Variants in SCML1 observed in about 807,000 individuals in gnomAD.
SCML1 encodes sex comb on midleg-like protein 1.
For synonymous variants in SCML1, 104 were observed against 103.6 expected, an observed-to-expected ratio of 1.00 and a Z score of -0.02; for missense variants, 137 against 258.1, an observed-to-expected ratio of 0.53 and a Z score of 3.22.
chrX:17,738,901 C>T (rs1207013024), intron 1 of SCML1, among the ~76,000 whole-genome samples: 6 of 111,891 alleles, frequency 5.4e-5, no homozygotes, highest in African/African-American at 1.6e-4. Flanking sequence ...ACAATCTAGC[C>T]TTGGGCTCTG....
In SCML1 at chrX:17,749,457, G is replaced by T. The variant is rs1357029716; in HGVS notation, c.256G>T (p.Val86Phe). The T allele has an allele frequency of 8.3e-7, 1 of 1,199,551 alleles. No homozygotes were observed. The highest frequency in any genetic ancestry group is 1.1e-6 in the Non-Finnish European group (1 of 887,867). ...GAAGATTGATGTGATTCGTAGAAAG[G>T]TTTCAAAAATCCAACGTTTCCATGC... Reference protein sequence around the residue: ...DKKIDVIRRKVSKIQRFHARS... With the variant: ...DKKIDVIRRKFSKIQRFHARS... Residue 86 changes from valine to phenylalanine, a missense_variant, in exon 5 of 8, where the codon GTT becomes TTT. Physicochemically the swap from Val to Phe is conservative, Grantham distance 50 (BLOSUM62 -1). Transcript: ENST00000380041.
intron 1 of SCML1, among the ~76,000 whole-genome samples, chrX:17,740,657 T>C (rs1753901898): frequency 8.9e-6 from 1 of 112,305 alleles, no homozygotes; most frequent in Non-Finnish European, 1.9e-5. Context: ...TGTGTGACAG[T>C]TGCCGTAGAA....
chrX:17,738,307 A>G (rs1318709806), intron 1 of SCML1, among the ~76,000 whole-genome samples: 1 of 112,424 alleles, frequency 8.9e-6, no homozygotes, highest in Non-Finnish European at 1.9e-5. Flanking sequence ...GGTCGTTAAC[A>G]GGAAAGGCCC....
Position 17,737,495 on chromosome X carries a change from T to C in SCML1, c.-302T>C, listed in dbSNP as rs923627064. ...GCGTCGCGGGAGCTCTCTGATCCAC[T>C]CAGGGGTCAGGGCATCACTGGTCTC... On this transcript the variant is annotated 5_prime_UTR_variant, in exon 1 of 8. Coordinates refer to ENST00000380041, the MANE Select transcript of SCML1 (RefSeq NM_001037540.3). 2 of 87,304 alleles carry C rather than the reference T, an allele frequency of 2.3e-5. No homozygotes were observed. The highest frequency in any genetic ancestry group is 3.2e-4 in the Admixed American group (2 of 6,247). 7.2% of individuals were successfully genotyped at this position (87,304 alleles called of 1,213,427 possible).
At chrX:17,749,000 A>G (rs1233369928) in intron 4 of SCML1, among the ~76,000 whole-genome samples, 1 of 112,703 alleles carries the variant, frequency 8.9e-6, no homozygotes, top group Non-Finnish European at 1.9e-5. Flanking sequence ...ATTTGTACAT[A>G]TATGAACATA....
At chrX:17,749,872 T>C (rs1174299376) in intron 5 of SCML1, 22 bp from the exon 6 acceptor site, 6 of 1,183,089 alleles carry the variant, frequency 5.1e-6, no homozygotes, top group East Asian at 6.0e-5. Context: ...TGTTGGTTTA[T>C]GCTGTGTTTG....
chrX:17,737,536 G>C lies in SCML1; in HGVS notation c.-261G>C, dbSNP rs1213597721. 1 of 105,916 alleles carries C rather than the reference G, an allele frequency of 9.4e-6. No individual in the cohort carries two copies. Among genetic ancestry groups the C allele is most frequent in the African/African-American group, 3.4e-5 (1 of 29,064 alleles). The allele number at this position is 105,916 out of a possible 1,213,427, so 8.7% of individuals were successfully genotyped here. A position where few individuals can be genotyped will look rare whatever the true frequency, so the allele number is the denominator to read the frequency against. The stretch of plus-strand genomic sequence containing the variant: ...CACTGGTCTCGCGTGCGCGTGACCA[G>C]GCCCGGTTTCCGGTGCCAGGACCTT... On this transcript the variant is annotated 5_prime_UTR_variant, in exon 1 of 8. Transcript: ENST00000380041.
At position 17,743,178 on chromosome X, in the gene SCML1, C is replaced by T. The variant is rs528811634; in HGVS notation, c.-116-893C>T. On this transcript the variant is annotated intron_variant, in intron 1 of 7. Coordinates refer to ENST00000380041, the MANE Select transcript of SCML1 (RefSeq NM_001037540.3). ...GATACTTCTATGCAACATTAGTCTGCGTTTATCTAACTCGAGTTAGTTCTC... is the reference window on the plus strand; with the variant it reads ...GATACTTCTATGCAACATTAGTCTGTGTTTATCTAACTCGAGTTAGTTCTC... 9.2e-4 allele frequency among the ~76,000 whole-genome samples: 103 copies of T among 112,000 alleles called. 2 individuals carry two copies. The South Asian group carries it at 0.036, about 39-fold the overall frequency.
In SCML1 at chrX:17,749,353, T is replaced by C. The variant is rs775190751; in HGVS notation, c.199-47T>C. The C allele has an allele frequency of 1.1e-5, 8 of 715,621 alleles. No individual in the cohort carries two copies. In the East Asian group the frequency reaches 2.6e-4, roughly 23 times the overall value. The allele number at this position is 715,621 out of a possible 1,213,427, so 59.0% of individuals were successfully genotyped here. The stretch of plus-strand genomic sequence containing the variant: ...TACTTTTCTTTGAAATAAAAAATTA[T>C]ATTTTACATTGTATACCAATTATAT... On this transcript the variant is annotated intron_variant, in intron 4 of 7. Transcript: ENST00000380041.
rs761484172 is a variant in SCML1, at chrX:17,747,114, C to T, written c.198+1016C>T. Reference sequence around the variant, plus strand: ...AGCTCCCTAGTCCTGCCTCTTCACTCGTGGAGATAGTGGAGCACCTGGGGC... The same window carrying T: ...AGCTCCCTAGTCCTGCCTCTTCACTTGTGGAGATAGTGGAGCACCTGGGGC... On this transcript the variant is annotated intron_variant, in intron 4 of 7. Transcript: ENST00000380041. Among the ~76,000 whole-genome samples, 9 of 112,031 alleles carry T rather than the reference C, an allele frequency of 8.0e-5. 1 individual carries two copies. The East Asian group carries it at 2.5e-3, about 32-fold the overall frequency.
At chrX:17,752,088 G>A (rs2066715053) in intron 7 of SCML1, 122 bp downstream of exon 7, 2 of 775,024 alleles carry the variant, frequency 2.6e-6, no homozygotes, top group Admixed American at 2.9e-5. Context: ...TTCCATATAT[G>A]AGAAAGCTTA....
chrX:17,743,675 G>C (rs115309105), intron 1 of SCML1, among the ~76,000 whole-genome samples: 1,257 of 111,616 alleles, frequency 0.011, 10 homozygotes, highest in Non-Finnish European at 0.015. Flanking sequence ...ACATAGTCGG[G>C]GGGGACCCAA....
At chrX:17,745,700 C>T (rs777061650) in intron 3 of SCML1, 161 bp downstream of exon 3, 1 of 394,493 alleles carries the variant, frequency 2.5e-6, no homozygotes, top group South Asian at 5.7e-5. Flanking sequence ...AGCACTTAAC[C>T]AATTTACTTT....
chrX:17,737,216 C>A (rs2066541819), upstream of SCML1, among the ~76,000 whole-genome samples: 2 of 109,207 alleles, frequency 1.8e-5, no homozygotes, highest in Non-Finnish European at 3.8e-5. Context: ...AGGCCCCGCC[C>A]CACAGCCATC....
chrX:17,752,005 C>T (rs1457063719), intron 7 of SCML1, 39 bp downstream of exon 7: 1 of 1,167,211 alleles, frequency 8.6e-7, no homozygotes, highest in African/African-American at 1.8e-5. Flanking sequence ...GCTGTAATGC[C>T]TTTGAATGAC....
At chrX:17,749,063 T>C (rs1381961520) in intron 4 of SCML1, among the ~76,000 whole-genome samples, 10 of 112,596 alleles carry the variant, frequency 8.9e-5, no homozygotes, top group Non-Finnish European at 1.5e-4. Context: ...AGCAGATTTC[T>C]TTCCTAAAAT....
intron 2 of SCML1, chrX:17,745,072 C>T (rs901280562): frequency 8.5e-6 from 1 of 118,014 alleles, no homozygotes; most frequent in Non-Finnish European, 1.7e-5. Flanking sequence ...AATAGGTGCT[C>T]AAATGTTTTC....
chrX:17,752,649 G>T (rs1439618236), intron 7 of SCML1, among the ~76,000 whole-genome samples: 1 of 112,327 alleles, frequency 8.9e-6, no homozygotes, highest in Non-Finnish European at 1.9e-5. Context: ...GATCAATTAA[G>T]ATAAGGAATT....
At chrX:17,747,699 TG>T (rs2066655623) in intron 4 of SCML1, among the ~76,000 whole-genome samples, 1 of 112,017 alleles carries the variant, frequency 8.9e-6, no homozygotes, top group Non-Finnish European at 1.9e-5. Context: ...GTCACGCCAC[TG>T]GTAATAACAA....
Sources: gnomAD v4.1 joint callset for allele counts (sites outside exome capture counted in the v4.1 genomes callset) on GRCh38, gnomAD v4.1.1 for gene constraint, MANE v1.5 for transcripts, NCBI Gene and HGNC (gene_info 2026-07-23, HGNC 2026-07-21) for gene names.